The following MAN1A2 variants were observed in gnomAD, a reference collection of about 807,000 sequenced individuals.
The protein encoded by MAN1A2 is mannosidase alpha class 1A member 2.
In MAN1A2, 26 loss-of-function variants were observed where a neutral mutation model predicts 75.7. That is an observed-to-expected ratio of 0.34 (90% CI 0.25 to 0.48). MAN1A2 has a LOEUF of 0.48. MAN1A2 is among the 20% of genes least tolerant of loss of function. MAN1A2 has a pLI of 0.99. For missense variants in MAN1A2, 562 were observed against 775.5 expected, an observed-to-expected ratio of 0.72 and a Z score of 3.27; for synonymous variants, 247 against 264.6, an observed-to-expected ratio of 0.93 and a Z score of 0.65.
chr1:117,503,135 C>T (rs1015903810), intron 12 of MAN1A2, among the ~76,000 whole-genome samples, 165 bp downstream of exon 12: 16 of 151,440 alleles, frequency 1.1e-4, no homozygotes, highest in Non-Finnish European at 1.6e-4. Flanking sequence ...AAAAGAATGA[C>T]TTAGACTATA....
At chr1:117,450,201 T>G (rs951089779) in intron 6 of MAN1A2, among the ~76,000 whole-genome samples, 2 of 152,198 alleles carry the variant, frequency 1.3e-5, no homozygotes, top group African/African-American at 4.8e-5. Flanking sequence ...GAGGAACTTC[T>G]TGGGAAATGA....
At chr1:117,373,861 A>G (rs1322255568) in intron 1 of MAN1A2, among the ~76,000 whole-genome samples, 1 of 152,166 alleles carries the variant, frequency 6.6e-6, no homozygotes, top group African/African-American at 2.4e-5. Flanking sequence ...AAAGTTGGTA[A>G]TGCAGAAGCT....
intron 2 of MAN1A2, among the ~76,000 whole-genome samples, chr1:117,402,678 G>A (rs1647479119): frequency 6.6e-6 from 1 of 151,348 alleles, no homozygotes; most frequent in African/African-American, 2.4e-5. Context: ...GATGGTTAGT[G>A]CCACTCATTC....
intron 1 of MAN1A2, among the ~76,000 whole-genome samples, chr1:117,393,619 T>C (rs1242747949): frequency 6.6e-6 from 1 of 152,192 alleles, no homozygotes; most frequent in Non-Finnish European, 1.5e-5. Flanking sequence ...TTGTTACTTA[T>C]CTTTTAAAAG....
chr1:117,430,778 CAG>C (rs913379384), intron 5 of MAN1A2, among the ~76,000 whole-genome samples: 2 of 55,036 alleles, frequency 3.6e-5, no homozygotes, highest in African/African-American at 7.5e-5. Context: ...GGCGGCCAGG[CAG>C]AGACACTCCT....
At chr1:117,429,449 C>G (rs1460719389) in intron 5 of MAN1A2, among the ~76,000 whole-genome samples, 15 of 129,668 alleles carry the variant, frequency 1.2e-4, no homozygotes, top group African/African-American at 4.1e-4. Context: ...CCCCCCACCT[C>G]CCTCCCGGAG....
chr1:117,502,918 A>T lies in MAN1A2; in HGVS notation c.1741A>T (p.Thr581Ser), dbSNP rs912417504. 3.7e-6 allele frequency: 6 copies of T among 1,607,554 alleles called. No individual in the cohort carries two copies. In the African/African-American group the frequency reaches 8.1e-5, roughly 22 times the overall value. ...FSGVKDVYSS[T>S]PTHDDVQQSF... ...TGGAGTCAAAGATGTATATTCCTCT[A>T]CTCCTACACATGATGATGTACAGCA... The change falls in exon 12 of 13, where the codon ACT (threonine) becomes TCT (serine). Residue 581 changes from threonine (T) to serine (S), a missense_variant. By Grantham distance (58) the Thr-to-Ser change is moderately conservative. Transcript: ENST00000356554.
chr1:117,397,721 A>G (rs1019273174), intron 1 of MAN1A2, among the ~76,000 whole-genome samples: 7 of 133,364 alleles, frequency 5.2e-5, no homozygotes, highest in Non-Finnish European at 4.6e-5. Context: ...TCACGATCTC[A>G]GCTTAGTGAA....
At chr1:117,469,481 A>C (rs1650080186) in intron 8 of MAN1A2, among the ~76,000 whole-genome samples, 2 of 152,110 alleles carry the variant, frequency 1.3e-5, no homozygotes, top group African/African-American at 4.8e-5. Context: ...TAAAATTGAA[A>C]ATTTTTGTGC....
rs1647590600 is a variant in MAN1A2, at chr1:117,405,641, A to G, written c.651A>G (p.Ile217Met). Reference sequence around the variant, plus strand: ...CAAGGAAAGGACACTCCCCTAACATATTTGGTAAGTTTACTTTTTCTAATT... The same window carrying G: ...CAAGGAAAGGACACTCCCCTAACATGTTTGGTAAGTTTACTTTTTCTAATT... ...PIARKGHSPN[I>M]FGSSQMGATI... Residue 217 changes from isoleucine to methionine, a missense_variant, in exon 3 of 13, where the codon ATA becomes ATG. Physicochemically the swap from Ile to Met is conservative, Grantham distance 10. This residue lies in a region of MAN1A2 where 434 missense variants were observed against 645.7 expected (regional missense o/e 0.67). Transcript: ENST00000356554. The G allele has an allele frequency of 6.4e-7, 1 of 1,569,728 alleles. No individual in the cohort carries two copies. Among genetic ancestry groups the G allele is most frequent in the Non-Finnish European group, 8.8e-7 (1 of 1,141,344 alleles).
intron 12 of MAN1A2, among the ~76,000 whole-genome samples, chr1:117,520,371 T>G (rs1351021696): frequency 6.6e-6 from 1 of 151,992 alleles, no homozygotes; most frequent in Non-Finnish European, 1.5e-5. Context: ...AAAGAGGAAG[T>G]CAAACTGTCA....
At chr1:117,484,439 A>G (rs1182938124) in intron 8 of MAN1A2, among the ~76,000 whole-genome samples, 1 of 151,958 alleles carries the variant, frequency 6.6e-6, no homozygotes, top group Non-Finnish European at 1.5e-5. Context: ...TGCTAGTGGC[A>G]CTTCATATGG....
intron 8 of MAN1A2, among the ~76,000 whole-genome samples, chr1:117,476,361 A>G (rs1650314385): frequency 6.6e-6 from 1 of 152,058 alleles, no homozygotes; most frequent in Non-Finnish European, 1.5e-5. Context: ...CTTTAGTTGA[A>G]TTAGATCCCA....
rs192158612 is a variant in MAN1A2, at chr1:117,497,695, A to G, written c.1504+713A>G. Among the ~76,000 whole-genome samples the G allele has an allele frequency of 3.3e-5, 5 of 152,000 alleles. No homozygotes were observed. In the East Asian group the frequency reaches 5.8e-4, roughly 18 times the overall value. On this transcript the variant is annotated intron_variant, in intron 10 of 12. Coordinates refer to ENST00000356554, the MANE Select transcript of MAN1A2 (RefSeq NM_006699.5). ...TAAAATTTTATGGAGGGAGAAGGCA[A>G]TTAGGCTTTTTTAAAAAAGACAAAA...
chr1:117,450,770 A>G (rs61805791), intron 6 of MAN1A2, among the ~76,000 whole-genome samples: 1 of 152,084 alleles, frequency 6.6e-6, no homozygotes, highest in Admixed American at 6.5e-5. Context: ...TGTGGTGTTG[A>G]GCCTGCCAGT....
rs202069904 is a variant in MAN1A2, at chr1:117,466,329, C to T, written c.1075-5C>T. 41 of 1,569,232 alleles carry T rather than the reference C, an allele frequency of 2.6e-5. 2 individuals carry two copies. In the South Asian group the frequency reaches 4.5e-4, roughly 17 times the overall value. On this transcript the variant is annotated splice_region_variant and splice_polypyrimidine_tract_variant and intron_variant, in intron 7 of 12. Transcript: ENST00000356554. ...TAATTGCATTCTTAATTTTATTTTACTCAGGTTATGCACATTCGGAAACTA... is the reference window on the plus strand; with the variant it reads ...TAATTGCATTCTTAATTTTATTTTATTCAGGTTATGCACATTCGGAAACTA...
chr1:117,490,191 G>T (rs543976715), intron 8 of MAN1A2, among the ~76,000 whole-genome samples: 2 of 151,814 alleles, frequency 1.3e-5, no homozygotes, highest in Admixed American at 6.6e-5. Context: ...ATATTGCAGG[G>T]TTTGGTGTGT....
At chr1:117,484,696 T>C (rs1193615051) in intron 8 of MAN1A2, among the ~76,000 whole-genome samples, 1 of 152,036 alleles carries the variant, frequency 6.6e-6, no homozygotes, top group African/African-American at 2.4e-5. Flanking sequence ...TATGATTTAA[T>C]ACTGCATCTT....
intron 8 of MAN1A2, among the ~76,000 whole-genome samples, chr1:117,472,516 A>G (rs1650191754): frequency 6.6e-6 from 1 of 152,054 alleles, no homozygotes. Flanking sequence ...TGGAGAACTT[A>G]CATTCTGCTG....
Sources: allele counts gnomAD v4.1 joint callset (sites outside exome capture counted in the v4.1 genomes callset), GRCh38; gene constraint gnomAD v4.1.1; regional missense constraint gnomAD v4.1.1; transcripts MANE v1.5; gene names NCBI Gene and HGNC (gene_info 2026-07-23, HGNC 2026-07-21).